Variants in TBC1D10A observed in about 807,000 individuals in gnomAD.
TBC1D10A encodes EBP50-PDX interactor of 64 kDa.
A neutral mutation model predicts 52.9 loss-of-function variants in TBC1D10A; 24 were observed. The ratio of observed to expected loss-of-function variants is 0.45; its 90% confidence interval spans 0.33 to 0.64. TBC1D10A has a LOEUF of 0.64. Ranked by LOEUF, TBC1D10A falls within the 30% of genes least tolerant of loss-of-function variation. TBC1D10A has a pLI of 0.02. For missense variants in TBC1D10A, 602 were observed against 687.9 expected (o/e 0.88, Z 1.40); for synonymous variants, 278 against 282.9 (o/e 0.98, Z 0.17).
intron 6 of TBC1D10A, 42 bp downstream of exon 6, chr22:30,294,754 G>C (rs866338108): frequency 6.2e-7 from 1 of 1,612,848 alleles, no homozygotes; most frequent in South Asian, 1.1e-5. Context: ...GGCCACAGAG[G>C]GTGTCCAGCC....
chr22:30,293,078 C>T, intron 8 of TBC1D10A: 1 of 621,292 alleles, frequency 1.6e-6, no homozygotes, highest in South Asian at 2.0e-5. Flanking sequence ...TAAAGCTGCC[C>T]ACAGCTTCAC....
chr22:30,319,687 C>T (rs1442542568), intron 1 of TBC1D10A, among the ~76,000 whole-genome samples: 2 of 152,128 alleles, frequency 1.3e-5, no homozygotes, highest in African/African-American at 2.4e-5. Flanking sequence ...GGCTTCTAAG[C>T]TGGTTAAGTA....
chr22:30,308,180 G>T (rs1478238513), intron 1 of TBC1D10A, among the ~76,000 whole-genome samples: 1 of 152,114 alleles, frequency 6.6e-6, no homozygotes, highest in Non-Finnish European at 1.5e-5. Flanking sequence ...GGCAGAGCTG[G>T]GACTCAAACC....
chr22:30,312,071 G>A (rs1195660408), intron 1 of TBC1D10A, among the ~76,000 whole-genome samples: 1 of 152,208 alleles, frequency 6.6e-6, no homozygotes, highest in Non-Finnish European at 1.5e-5. Flanking sequence ...AGGATTACGG[G>A]TATTAGTGAC....
At chr22:30,304,682 C>G in intron 1 of TBC1D10A, 52 bp from the exon 2 acceptor site, 10 of 1,596,902 alleles carry the variant, frequency 6.3e-6, no homozygotes, top group Non-Finnish European at 8.5e-6. Context: ...AGCAAAGGCC[C>G]TGGCTTCATT....
Position 30,294,933 on chromosome 22 carries a change from G to A in TBC1D10A, c.639+8C>T, listed in dbSNP as rs1412757737. ...CCACCCCCCTGCCTGCCCGGGGCCT[G>A]GTGGTACCTCAGCAGGCATATGCAT... On this transcript the variant is annotated splice_region_variant and intron_variant, in intron 5 of 8. Transcript: ENST00000215790. 3.7e-6 allele frequency: 6 copies of A among 1,614,018 alleles called. No homozygotes were observed. Among genetic ancestry groups the A allele is most frequent in the Non-Finnish European group, 5.1e-6 (6 of 1,180,008 alleles).
chr22:30,323,792 T>C (rs907868149), intron 1 of TBC1D10A, among the ~76,000 whole-genome samples: 1 of 151,992 alleles, frequency 6.6e-6, no homozygotes. Flanking sequence ...ATGGTGAAAC[T>C]CCATCTCTAC....
At chr22:30,302,285 C>G (rs2145769594) in intron 2 of TBC1D10A, among the ~76,000 whole-genome samples, 1 of 152,330 alleles carries the variant, frequency 6.6e-6, no homozygotes, top group East Asian at 1.9e-4. Flanking sequence ...GAAAGGAGGT[C>G]TCTGATGAAA....
intron 1 of TBC1D10A, among the ~76,000 whole-genome samples, chr22:30,308,302 G>GCCTGCATC: frequency 7.2e-6 from 1 of 139,302 alleles, no homozygotes; most frequent in Admixed American, 7.2e-5. Flanking sequence ...ATGCCTGCAT[G>GCCTGCATC]CCTGCCTGCC....
At chr22:30,308,956 T>G (rs538255935) in intron 1 of TBC1D10A, among the ~76,000 whole-genome samples, 1 of 152,324 alleles carries the variant, frequency 6.6e-6, no homozygotes, top group East Asian at 1.9e-4. Flanking sequence ...AGCTAATAAG[T>G]AAGTAGCTGA....
chr22:30,301,281 G>C (rs1930197208), intron 2 of TBC1D10A, among the ~76,000 whole-genome samples: 1 of 152,196 alleles, frequency 6.6e-6, no homozygotes, highest in Non-Finnish European at 1.5e-5. Context: ...ATGCTGTGGT[G>C]GGGGAGGGGT....
intron 1 of TBC1D10A, among the ~76,000 whole-genome samples, chr22:30,310,050 C>G (rs1221782267): frequency 6.6e-6 from 1 of 152,206 alleles, no homozygotes; most frequent in Non-Finnish European, 1.5e-5. Context: ...GACCACAGGA[C>G]TGATCCTCCT....
intron 3 of TBC1D10A, chr22:30,298,147 G>A (rs1370327082): frequency 6.6e-6 from 1 of 152,310 alleles, no homozygotes; most frequent in Non-Finnish European, 1.5e-5. Context: ...CCAAGAGGCT[G>A]ACCAGGCTGC....
At chr22:30,309,329 C>T (rs776238631) in intron 1 of TBC1D10A, among the ~76,000 whole-genome samples, 9 of 151,920 alleles carry the variant, frequency 5.9e-5, no homozygotes, top group African/African-American at 1.9e-4. Flanking sequence ...CTCCACCTCC[C>T]GGGTTTAAGT....
rs994863320 is a variant in TBC1D10A, at chr22:30,303,941, A to C, written c.309+590T>G. On this transcript the variant is annotated intron_variant, in intron 2 of 8. Coordinates refer to ENST00000215790, the MANE Select transcript of TBC1D10A (RefSeq NM_031937.3). ...TCGTAAGACTATCATTAAAGTGTGA[A>C]GTTACTTTCTTCTTTCTTTGGCCAG... Among the ~76,000 whole-genome samples the C allele has an allele frequency of 3.0e-4, 46 of 152,226 alleles. 1 individual carries two copies. The highest frequency in any genetic ancestry group is 1.0e-4 in the Non-Finnish European group (7 of 68,040).
At chr22:30,310,938 C>T (rs773469220) in intron 1 of TBC1D10A, among the ~76,000 whole-genome samples, 21 of 152,184 alleles carry the variant, frequency 1.4e-4, no homozygotes, top group Non-Finnish European at 3.1e-4. Context: ...AAACCCCTCA[C>T]ACTTGGGTCT....
At chr22:30,311,325 G>A (rs1930421040) in intron 1 of TBC1D10A, among the ~76,000 whole-genome samples, 1 of 152,210 alleles carries the variant, frequency 6.6e-6, no homozygotes, top group South Asian at 2.1e-4. Context: ...CGGTCTGCCT[G>A]ACGCCACACA....
chr22:30,326,696 C>T lies in TBC1D10A; in HGVS notation c.186G>A (p.Val62=). Residue 62 remains valine, a synonymous_variant, in exon 1 of 9, where the codon GTG becomes GTA. Coordinates refer to ENST00000215790, the MANE Select transcript of TBC1D10A (RefSeq NM_031937.3). ...ERRIDKFGFI[V]GSQGAEGALE... Reference sequence around the variant, plus strand: ...ACGCGCCCTCGGCGCCCTGCGAGCCCACGATGAAGCCGAACTTGTCGATGC... The same window carrying T: ...ACGCGCCCTCGGCGCCCTGCGAGCCTACGATGAAGCCGAACTTGTCGATGC... The T allele has an allele frequency of 6.5e-7, 1 of 1,549,896 alleles. No individual in the cohort carries two copies. Among genetic ancestry groups the T allele is most frequent in the Non-Finnish European group, 8.7e-7 (1 of 1,147,072 alleles).
In TBC1D10A at chr22:30,304,591, C is replaced by T. The variant is rs1426321887; in HGVS notation, c.249G>A (p.Glu83=). ...EVPLEVLRQR[E]SKWLDMLNNW... ...TGTTGAGCATGTCCAGCCACTTGGA[C>T]TCCCTCTGCCTCAGCACCTCCAGGG... is the stretch of plus-strand genomic sequence containing the variant. Residue 83 remains glutamate (E), a synonymous_variant, in exon 2 of 9, where the codon GAG becomes GAA. Transcript: ENST00000215790. 1.2e-6 allele frequency: 2 copies of T among 1,614,084 alleles called. No homozygotes were observed. The highest frequency in any genetic ancestry group is 1.7e-6 in the Non-Finnish European group (2 of 1,179,958).
Sources: gnomAD v4.1 joint callset for allele counts (sites outside exome capture counted in the v4.1 genomes callset) on GRCh38, gnomAD v4.1.1 for gene constraint, MANE v1.5 for transcripts, NCBI Gene and HGNC (gene_info 2026-07-23, HGNC 2026-07-21) for gene names.